The following B3GALT1 variants were observed in gnomAD, a reference collection of about 807,000 sequenced individuals.
B3GALT1 encodes the protein beta-1,3-galactosyltransferase 1.
A neutral mutation model predicts 23.2 loss-of-function variants in B3GALT1; 10 were observed. The ratio of observed to expected loss-of-function variants is 0.43; its 90% CI spans 0.27 to 0.73. The LOEUF is 0.73. B3GALT1 is among the 30% of genes least tolerant of loss of function. The pLI is 0.21. For synonymous variants in B3GALT1, 156 were observed against 141.5 expected, an observed-to-expected ratio of 1.10 and a Z score of -0.73; for missense variants, 299 against 405.4, an observed-to-expected ratio of 0.74 and a Z score of 2.25.
chr2:167,760,511 C>A (rs1176799471), intron 3 of B3GALT1, among the ~76,000 whole-genome samples: 1 of 152,166 alleles, frequency 6.6e-6, no homozygotes, highest in African/African-American at 2.4e-5. Context: ...AGTAGGTAAT[C>A]AGAAACAGTG....
chr2:167,809,947 T>C (rs1334494624), intron 3 of B3GALT1, among the ~76,000 whole-genome samples: 1 of 152,228 alleles, frequency 6.6e-6, no homozygotes, highest in Non-Finnish European at 1.5e-5. Context: ...TCGAGCTTCC[T>C]GGCTGCTTTG....
chr2:167,646,341 T>C (rs140806823), intron 2 of B3GALT1, among the ~76,000 whole-genome samples: 2 of 152,160 alleles, frequency 1.3e-5, no homozygotes, highest in Admixed American at 6.5e-5. Flanking sequence ...CAAACTCCCC[T>C]CTTTCTAAGT....
chr2:167,468,618 TC>T (rs1157753055), intron 1 of B3GALT1, among the ~76,000 whole-genome samples: 1 of 152,180 alleles, frequency 6.6e-6, no homozygotes, highest in Non-Finnish European at 1.5e-5. Flanking sequence ...ACACCTCTAA[TC>T]CCAGCACTTT....
At chr2:167,798,503 G>A (rs574129639) in intron 3 of B3GALT1, among the ~76,000 whole-genome samples, 3 of 152,256 alleles carry the variant, frequency 2.0e-5, no homozygotes, top group South Asian at 4.2e-4. Flanking sequence ...TTCTGCACAT[G>A]GCTAGCCAGT....
rs941517127 is a variant in B3GALT1, at chr2:167,487,203, T to TA, written c.-510-2973dup. Among the ~76,000 whole-genome samples, 3 of 152,234 alleles carry TA rather than the reference T, an allele frequency of 2.0e-5. No individual in the cohort carries two copies. The South Asian group carries it at 6.2e-4, about 31-fold the overall frequency. The stretch of plus-strand genomic sequence containing the variant: ...TGAATTAGTTGTTTCAAGTCCCACT[T>TA]ACTTTGTTCAGAAGGCCACTTTTTG... On this transcript the variant is annotated intron_variant, in intron 1 of 4. Coordinates refer to ENST00000392690, the MANE Select transcript of B3GALT1 (RefSeq NM_020981.4).
At chr2:167,324,560 A>G (rs1381509804) in intron 1 of B3GALT1, among the ~76,000 whole-genome samples, 1 of 152,030 alleles carries the variant, frequency 6.6e-6, no homozygotes, top group East Asian at 1.9e-4. Flanking sequence ...TAATTTACTC[A>G]TACTTGAGGC....
At chr2:167,647,642 G>A (rs1198855392) in intron 3 of B3GALT1, among the ~76,000 whole-genome samples, 1 of 152,084 alleles carries the variant, frequency 6.6e-6, no homozygotes, top group Non-Finnish European at 1.5e-5. Context: ...TTCCCTAAAG[G>A]AAATCATTAA....
At chr2:167,665,021 G>A (rs1225827024) in intron 3 of B3GALT1, among the ~76,000 whole-genome samples, 3 of 151,722 alleles carry the variant, frequency 2.0e-5, no homozygotes, top group African/African-American at 7.3e-5. Context: ...TTGTGAGAGA[G>A]GGCATCCCTG....
chr2:167,617,434 G>C (rs922963691), intron 2 of B3GALT1, among the ~76,000 whole-genome samples: 2 of 151,958 alleles, frequency 1.3e-5, no homozygotes, highest in Non-Finnish European at 2.9e-5. Context: ...CTGGAGCTGG[G>C]AGAGAATTCA....
chr2:167,639,190 A>G (rs548278354), intron 2 of B3GALT1, among the ~76,000 whole-genome samples: 157 of 152,184 alleles, frequency 1.0e-3, no homozygotes, highest in Non-Finnish European at 1.4e-3. Flanking sequence ...AAAGTTACAC[A>G]TTATAAACCA....
intron 3 of B3GALT1, among the ~76,000 whole-genome samples, chr2:167,704,445 C>G (rs1686939137): frequency 6.6e-6 from 1 of 152,050 alleles, no homozygotes; most frequent in Non-Finnish European, 1.5e-5. Context: ...CCTAATCCTT[C>G]TAAGCAGATA....
chr2:167,502,228 T>A (rs1240190315), intron 2 of B3GALT1, among the ~76,000 whole-genome samples: 2 of 152,150 alleles, frequency 1.3e-5, no homozygotes, highest in Non-Finnish European at 2.9e-5. Context: ...CAAGGTAAGA[T>A]GAGCAAATAT....
chr2:167,500,437 G>A (rs113167135), intron 2 of B3GALT1, among the ~76,000 whole-genome samples: 1,849 of 152,232 alleles, frequency 0.012, 17 homozygotes, highest in Middle Eastern at 0.02. Flanking sequence ...AAAAAATTGT[G>A]TGGGGGTGTC....
intron 1 of B3GALT1, among the ~76,000 whole-genome samples, chr2:167,398,824 A>G (rs1225339140): frequency 1.3e-5 from 2 of 152,114 alleles, no homozygotes; most frequent in Non-Finnish European, 2.9e-5. Flanking sequence ...AAGCAAGGGA[A>G]ACTTAGTTCT....
At chr2:167,564,614 A>C (rs1303316873) in intron 2 of B3GALT1, among the ~76,000 whole-genome samples, 2 of 152,160 alleles carry the variant, frequency 1.3e-5, no homozygotes, top group Non-Finnish European at 2.9e-5. Flanking sequence ...CAATCCCGGC[A>C]CCTCGGGAGG....
At chr2:167,584,519 G>A (rs1684552675) in intron 2 of B3GALT1, among the ~76,000 whole-genome samples, 1 of 152,168 alleles carries the variant, frequency 6.6e-6, no homozygotes, top group African/African-American at 2.4e-5. Flanking sequence ...TACCAGCTGG[G>A]TGTTCTCTAG....
chr2:167,517,705 C>T (rs956615948), intron 2 of B3GALT1, among the ~76,000 whole-genome samples: 1 of 152,044 alleles, frequency 6.6e-6, no homozygotes, highest in Non-Finnish European at 1.5e-5. Context: ...AAACTTTAAA[C>T]TAGCTTTGTA....
At chr2:167,718,754 T>G (rs1574229320) in intron 3 of B3GALT1, among the ~76,000 whole-genome samples, 1 of 80,256 alleles carries the variant, frequency 1.2e-5, no homozygotes, top group South Asian at 4.1e-4. Context: ...TCAGGGGAGA[T>G]TTAGCAAGGC....
At chr2:167,438,481 T>A (rs899027776) in intron 1 of B3GALT1, among the ~76,000 whole-genome samples, 1 of 152,234 alleles carries the variant, frequency 6.6e-6, no homozygotes, top group Non-Finnish European at 1.5e-5. Flanking sequence ...AGAGAATTAC[T>A]TAATGTCTTA....
Sources: gnomAD v4.1 joint callset for allele counts (sites outside exome capture counted in the v4.1 genomes callset) on GRCh38, gnomAD v4.1.1 for gene constraint, MANE v1.5 for transcripts, NCBI Gene and HGNC (gene_info 2026-07-23, HGNC 2026-07-21) for gene names.